The following RNF150 variants were observed in gnomAD, a reference collection of about 807,000 sequenced individuals.
RNF150 encodes ring finger protein 150.
RNF150 carries 24 observed loss-of-function variants against 39.3 expected under a neutral mutation model. The ratio of observed to expected loss-of-function variants is 0.61; its 90% CI spans 0.44 to 0.86. RNF150 has a LOEUF of 0.86. Ranked by LOEUF, RNF150 falls within the 40% of genes least tolerant of loss-of-function variation. The pLI, the probability that RNF150 is intolerant of heterozygous loss-of-function variation, is 0.00. For missense variants in RNF150, 502 were observed against 587.8 expected (o/e 0.85, Z 1.51); for synonymous variants, 255 against 227.3 (o/e 1.12, Z -1.10).
At chr4:141,030,987 A>T (rs914853656) in intron 1 of RNF150, among the ~76,000 whole-genome samples, 8 of 152,092 alleles carry the variant, frequency 5.3e-5, no homozygotes, top group African/African-American at 1.4e-4. Flanking sequence ...AAAAAATTTT[A>T]AAATATTTTT....
At chr4:140,988,579 G>T (rs1360408441) in intron 1 of RNF150, among the ~76,000 whole-genome samples, 1 of 152,064 alleles carries the variant, frequency 6.6e-6, no homozygotes, top group Non-Finnish European at 1.5e-5. Flanking sequence ...ATGTTGGTGT[G>T]CTGCACTCAT....
At chr4:140,922,922 G>A (rs1315850921) in intron 5 of RNF150, among the ~76,000 whole-genome samples, 1 of 150,870 alleles carries the variant, frequency 6.6e-6, no homozygotes, top group Non-Finnish European at 1.5e-5. Context: ...GACATATGTA[G>A]AAAGCTGAAA....
At chr4:141,077,758 G>C (rs151128401) in intron 1 of RNF150, among the ~76,000 whole-genome samples, 3 of 152,162 alleles carry the variant, frequency 2.0e-5, no homozygotes, top group Non-Finnish European at 4.4e-5. Flanking sequence ...AAACAAATCA[G>C]GATTCTGCAC....
chr4:140,902,694 C>T (rs145509105), intron 6 of RNF150, among the ~76,000 whole-genome samples: 2 of 151,994 alleles, frequency 1.3e-5, no homozygotes, highest in South Asian at 2.1e-4. Context: ...TGTATAAGAA[C>T]CAGGTGAATA....
intron 6 of RNF150, among the ~76,000 whole-genome samples, chr4:140,871,315 G>T (rs1362724290): frequency 6.6e-6 from 1 of 151,800 alleles, no homozygotes; most frequent in South Asian, 2.1e-4. Context: ...GAGAAACAAA[G>T]TTGCCTTTTT....
At chr4:141,180,993 C>G (rs1418622420) in intron 1 of RNF150, among the ~76,000 whole-genome samples, 3 of 152,058 alleles carry the variant, frequency 2.0e-5, no homozygotes, top group Admixed American at 6.6e-5. Flanking sequence ...ATTTATTATT[C>G]TTTGAAAAGG....
chr4:141,003,998 A>G (rs1734771495), intron 1 of RNF150, among the ~76,000 whole-genome samples: 1 of 152,182 alleles, frequency 6.6e-6, no homozygotes, highest in Non-Finnish European at 1.5e-5. Flanking sequence ...GAAGTTGTAT[A>G]CCAGAAACCA....
chr4:141,129,940 C>G (rs1726848734), intron 1 of RNF150, among the ~76,000 whole-genome samples: 1 of 152,150 alleles, frequency 6.6e-6, no homozygotes, highest in African/African-American at 2.4e-5. Context: ...ATAGATATAT[C>G]ATCAGCTTTT....
At chr4:140,875,007 T>C (rs1216799960) in intron 6 of RNF150, among the ~76,000 whole-genome samples, 8 of 152,148 alleles carry the variant, frequency 5.3e-5, no homozygotes, top group Admixed American at 3.9e-4. Flanking sequence ...TAATTAACTA[T>C]GACATGGAAA....
chr4:141,050,468 C>T (rs1358931684), intron 1 of RNF150, among the ~76,000 whole-genome samples: 2 of 152,184 alleles, frequency 1.3e-5, no homozygotes, highest in Non-Finnish European at 2.9e-5. Context: ...ACCCTTCTGC[C>T]TATGTGCAGA....
intron 1 of RNF150, among the ~76,000 whole-genome samples, chr4:141,176,010 G>A (rs545445154): frequency 4.6e-5 from 7 of 151,758 alleles, no homozygotes; most frequent in African/African-American, 7.3e-5. Flanking sequence ...TCAGCTTCTC[G>A]AGTAGCTGAG....
chr4:141,075,114 G>A (rs999963586), intron 1 of RNF150, among the ~76,000 whole-genome samples: 3 of 152,236 alleles, frequency 2.0e-5, no homozygotes, highest in Non-Finnish European at 2.9e-5. Flanking sequence ...CCCAACTAAG[G>A]GAAGCCGGTT....
intron 1 of RNF150, among the ~76,000 whole-genome samples, chr4:141,187,028 T>C (rs1006685522): frequency 1.3e-5 from 2 of 152,230 alleles, no homozygotes; most frequent in Non-Finnish European, 2.9e-5. Context: ...GCTTTAGCTG[T>C]ATCCCAGAGC....
intron 4 of RNF150, among the ~76,000 whole-genome samples, chr4:140,929,684 G>A (rs1010856674): frequency 1.3e-5 from 2 of 152,054 alleles, no homozygotes; most frequent in African/African-American, 2.4e-5. Flanking sequence ...TAGTTTTTAT[G>A]TGTCAGTTTG....
At chr4:140,938,279 A>C (rs1263656544) in intron 4 of RNF150, among the ~76,000 whole-genome samples, 1 of 151,992 alleles carries the variant, frequency 6.6e-6, no homozygotes, top group African/African-American at 2.4e-5. Flanking sequence ...TATTAAAATG[A>C]TGTTCACTTT....
intron 5 of RNF150, among the ~76,000 whole-genome samples, chr4:140,913,019 A>C (rs932952270): frequency 2.0e-5 from 3 of 151,774 alleles, no homozygotes; most frequent in Non-Finnish European, 2.9e-5. Context: ...CACGCCTGTA[A>C]TCCCAGCACT....
chr4:141,080,729 T>C (rs1450724546), intron 1 of RNF150, among the ~76,000 whole-genome samples: 1 of 152,138 alleles, frequency 6.6e-6, no homozygotes, highest in East Asian at 1.9e-4. Context: ...TAAGCTTAGC[T>C]CTATGGAGCT....
At chr4:141,126,127 G>A (rs1358798613) in intron 1 of RNF150, among the ~76,000 whole-genome samples, 3 of 150,200 alleles carry the variant, frequency 2.0e-5, no homozygotes, top group Admixed American at 6.7e-5. Flanking sequence ...CATACTAAGT[G>A]AGAAGGTGAG....
intron 1 of RNF150, among the ~76,000 whole-genome samples, chr4:141,045,231 A>G (rs532061361): frequency 2.0e-4 from 30 of 152,338 alleles, no homozygotes; most frequent in African/African-American, 5.1e-4. Context: ...AATACCAGAA[A>G]CACCTGGAAG....
Sources: allele counts gnomAD v4.1 joint callset (sites outside exome capture counted in the v4.1 genomes callset), GRCh38; gene constraint gnomAD v4.1.1; transcripts MANE v1.5; gene names NCBI Gene and HGNC (gene_info 2026-07-23, HGNC 2026-07-21).